HOGA1: variants seen among roughly 807,000 people sequenced by gnomAD.
The protein encoded by HOGA1 is 4-hydroxy-2-oxoglutarate aldolase, mitochondrial.
Under a neutral mutation model 34.3 loss-of-function variants are expected in HOGA1, and 30 were observed. That is an observed-to-expected ratio of 0.87 (90% CI 0.65 to 1.19). HOGA1 has a LOEUF of 1.19. HOGA1 is among the 50% of genes most tolerant of loss of function. The pLI is 0.00. For synonymous variants in HOGA1, 161 were observed against 174.0 expected (o/e 0.93, Z 0.59); for missense variants, 417 against 436.5 (o/e 0.96, Z 0.40).
chr10:97,596,552 G>C (rs1290459178), intron 1 of HOGA1, among the ~76,000 whole-genome samples: 1 of 152,130 alleles, frequency 6.6e-6, no homozygotes, highest in Non-Finnish European at 1.5e-5. Context: ...CTTTTACGGA[G>C]AGCACTGCAG....
intron 6 of HOGA1, among the ~76,000 whole-genome samples, chr10:97,605,515 T>C (rs1159271798): frequency 6.6e-6 from 1 of 152,184 alleles, no homozygotes; most frequent in Non-Finnish European, 1.5e-5. Flanking sequence ...AGCTGTACTA[T>C]TTTAAATTTA....
chr10:97,588,882 G>A (rs1340086394), intron 1 of HOGA1, among the ~76,000 whole-genome samples: 3 of 150,158 alleles, frequency 2.0e-5, no homozygotes, highest in Non-Finnish European at 4.4e-5. Flanking sequence ...CTTTTGAGGG[G>A]AAAAAAAAAT....
intron 6 of HOGA1, chr10:97,602,348 G>A: frequency 2.2e-5 from 27 of 1,218,304 alleles, no homozygotes; most frequent in Non-Finnish European, 2.8e-5. Flanking sequence ...GTAAACCAGG[G>A]GCCTCTAAAT....
At chr10:97,599,483 G>A in intron 3 of HOGA1, 197 bp from the exon 4 acceptor site, 1 of 784,778 alleles carries the variant, frequency 1.3e-6, no homozygotes, top group East Asian at 2.4e-5. Flanking sequence ...CCTTAGAACT[G>A]TGCGTGGCAT....
chr10:97,611,374 G>A, intron 6 of HOGA1, 136 bp from the exon 7 acceptor site: 1 of 902,312 alleles, frequency 1.1e-6, no homozygotes, highest in South Asian at 1.5e-5. Context: ...TGTACCCTGG[G>A]TGCCATAGAG....
At chr10:97,604,907 G>A (rs892720932) in intron 6 of HOGA1, among the ~76,000 whole-genome samples, 1 of 152,174 alleles carries the variant, frequency 6.6e-6, no homozygotes, top group Non-Finnish European at 1.5e-5. Context: ...CTTGAATGCG[G>A]CAGGTGGAGG....
intron 6 of HOGA1, chr10:97,602,506 T>C (rs2041127087): frequency 1.7e-5 from 17 of 985,258 alleles, no homozygotes; most frequent in Non-Finnish European, 2.0e-5. Flanking sequence ...AAAGGAGAAC[T>C]TCAGAGAGAA....
intron 1 of HOGA1, among the ~76,000 whole-genome samples, chr10:97,597,538 G>A (rs887292264): frequency 6.6e-6 from 1 of 152,080 alleles, no homozygotes; most frequent in Admixed American, 6.6e-5. Context: ...ACAGGAAAAC[G>A]CAAAATAAAG....
Position 97,584,885 on chromosome 10 carries a change from T to C in HOGA1, c.182T>C (p.Leu61Pro). 1.9e-6 allele frequency: 3 copies of C among 1,614,206 alleles called. No homozygotes were observed. Among genetic ancestry groups the C allele is most frequent in the Non-Finnish European group, 2.5e-6 (3 of 1,180,040 alleles). ...EVDYGKLEEN[L>P]HKLGTFPFRG... ...GACTATGGGAAACTGGAGGAGAATC[T>C]GCACAAACTGGGCACCTTCCCCTTC... Residue 61 changes from leucine to proline, a missense_variant, in exon 1 of 7, where the codon CTG becomes CCG. Leu to Pro is a moderately conservative substitution (Grantham distance 98). Coordinates refer to ENST00000370646, the MANE Select transcript of HOGA1 (RefSeq NM_138413.4).
chr10:97,589,894 T>C (rs762003725), intron 1 of HOGA1: 1 of 1,609,200 alleles, frequency 6.2e-7, no homozygotes, highest in Non-Finnish European at 8.5e-7. Context: ...GAGGTGGAGG[T>C]CTCATGCTGT....
chr10:97,603,489 A>T lies in HOGA1; in HGVS notation c.834+1499A>T, dbSNP rs1431744149. 6.6e-6 allele frequency among the ~76,000 whole-genome samples: 1 copy of T among 151,964 alleles called. No individual in the cohort carries two copies. Among genetic ancestry groups the T allele is most frequent in the Non-Finnish European group, 1.5e-5 (1 of 67,990 alleles). On this transcript the variant is annotated intron_variant, in intron 6 of 6. Coordinates refer to ENST00000370646, the MANE Select transcript of HOGA1 (RefSeq NM_138413.4). The surrounding 1 kb of genome is among the most constrained non-coding windows in gnomAD (Gnocchi z 4.5). ...GCAGTCCTCCCACCTCAGCCTCCCA[A>T]AATGCTGAGATTACAGGCATGAGCC...
In HOGA1 at chr10:97,612,074, T is replaced by A. The variant is rs148648470; in HGVS notation, c.*415T>A. ...CTCTGTCACCCAGGCTGGAGTGCAA[T>A]GGCATGATCTCGCCTCCTGGGTTCA... is the stretch of plus-strand genomic sequence containing the variant. On this transcript the variant is annotated 3_prime_UTR_variant, in exon 7 of 7. Transcript: ENST00000370646. The A allele has an allele frequency of 1.5e-3, 261 of 170,958 alleles. 6 individuals carry two copies. In the East Asian group the frequency reaches 0.028, roughly 18 times the overall value. The allele number at this position is 170,958 out of a possible 1,614,324, so 10.6% of individuals were successfully genotyped here.
In HOGA1 at chr10:97,601,841, G is replaced by A. The variant is rs200009948; in HGVS notation, c.701-16G>A. On this transcript the variant is annotated splice_polypyrimidine_tract_variant and intron_variant, in intron 5 of 6. Transcript: ENST00000370646. Reference sequence around the variant, plus strand: ...GGAGAGGCTCTGGCTGATGTTCTGCGTCTTACTTCGTGCAGGAGCTGTGGG... The same window carrying A: ...GGAGAGGCTCTGGCTGATGTTCTGCATCTTACTTCGTGCAGGAGCTGTGGG... 15 of 1,610,466 alleles carry A rather than the reference G, an allele frequency of 9.3e-6. No individual in the cohort carries two copies. Among genetic ancestry groups the A allele is most frequent in the East Asian group, 2.2e-5 (1 of 44,880 alleles).
chr10:97,607,172 G>C (rs1291066906), intron 6 of HOGA1, among the ~76,000 whole-genome samples: 22 of 150,984 alleles, frequency 1.5e-4, no homozygotes, highest in Admixed American at 1.5e-3. Context: ...ACATCCTGCT[G>C]CCTGGAGGGT....
intron 1 of HOGA1, among the ~76,000 whole-genome samples, chr10:97,586,451 C>T (rs535057211): frequency 6.6e-6 from 1 of 152,226 alleles, no homozygotes; most frequent in Non-Finnish European, 1.5e-5. Context: ...GTGCCCCTTC[C>T]TTGGGGACAA....
At chr10:97,590,262 C>T in intron 1 of HOGA1, 1 of 1,613,768 alleles carries the variant, frequency 6.2e-7, no homozygotes. Context: ...ACTGATGAGG[C>T]CACGTGGGCC....
intron 6 of HOGA1, among the ~76,000 whole-genome samples, chr10:97,604,797 C>T (rs372144346): frequency 2.6e-5 from 4 of 152,102 alleles, no homozygotes; most frequent in African/African-American, 9.7e-5. Flanking sequence ...GCCTGGCCAA[C>T]ATGGTGAAAC....
At chr10:97,602,917 C>T (rs1004215716) in intron 6 of HOGA1, among the ~76,000 whole-genome samples, 8 of 152,246 alleles carry the variant, frequency 5.3e-5, no homozygotes, top group Non-Finnish European at 8.8e-5. Flanking sequence ...GTCTCAAATT[C>T]CTGGCCTCAA....
At chr10:97,593,327 AT>A (rs1245964534) in intron 1 of HOGA1, among the ~76,000 whole-genome samples, 1 of 152,008 alleles carries the variant, frequency 6.6e-6, no homozygotes, top group Non-Finnish European at 1.5e-5. Context: ...AATACAAAAA[AT>A]TAGCTGGGTG....
Sources: allele counts gnomAD v4.1 joint callset (sites outside exome capture counted in the v4.1 genomes callset), GRCh38; gene constraint gnomAD v4.1.1; non-coding constraint Gnocchi (gnomAD v3.1); transcripts MANE v1.5; gene names NCBI Gene and HGNC (gene_info 2026-07-23, HGNC 2026-07-21).